TNIP2: variants seen among roughly 807,000 people sequenced by gnomAD.
TNIP2 encodes TNFAIP3-interacting protein 2.
TNIP2 carries 30 observed loss-of-function variants against 43.7 expected under a neutral mutation model. That is an observed-to-expected ratio of 0.69 (90% confidence interval 0.51 to 0.93). TNIP2 has a LOEUF of 0.93. TNIP2 is among the 40% of genes least tolerant of loss of function. The pLI, the probability that TNIP2 is intolerant of heterozygous loss-of-function variation, is 0.00. For missense variants in TNIP2, 599 were observed against 591.0 expected (o/e 1.01, Z -0.14); for synonymous variants, 260 against 254.6 (o/e 1.02, Z -0.20).
chr4:2,742,387 G>A lies in TNIP2; in HGVS notation c.1160C>T (p.Pro387Leu). ...CGCGCCAGGATGCCCGCCCTCTGCA[G>A]GGGGTTCTGGCTGCTGGGACCCAGT... ...PGTGSQQPEP[P>L]AEGGHPGAAQ... Residue 387 changes from proline to leucine, a missense_variant, in exon 6 of 6, where the codon CCT becomes CTT. Pro to Leu is a moderately conservative substitution (Grantham distance 98). Coordinates refer to ENST00000315423, the MANE Select transcript of TNIP2 (RefSeq NM_024309.4). The A allele has an allele frequency of 1.2e-6, 2 of 1,609,554 alleles. No homozygotes were observed. Among genetic ancestry groups the A allele is most frequent in the Non-Finnish European group, 1.7e-6 (2 of 1,177,648 alleles).
Position 2,745,513 on chromosome 4 carries a change from G to A in TNIP2, c.590C>T (p.Thr197Ile). ...PDQSEHTDGH[T>I]SVQSVIEKLQ... ...CTTCTCAATAACACTCTGGACAGAG[G>A]TGTGCCCATCTGTGTGTTCCGACTG... The change falls in exon 3 of 6, where the codon ACC becomes ATC. Residue 197 changes from threonine (T) to isoleucine (I), a missense_variant. By Grantham distance (89) the Thr-to-Ile change is moderately conservative (BLOSUM62 -1). Coordinates refer to ENST00000315423, the MANE Select transcript of TNIP2 (RefSeq NM_024309.4). 1 of 1,614,002 alleles carries A rather than the reference G, an allele frequency of 6.2e-7. No individual in the cohort carries two copies. The highest frequency in any genetic ancestry group is 8.5e-7 in the Non-Finnish European group (1 of 1,179,918).
rs1722238638 is a variant in TNIP2, at chr4:2,756,165, T to C, written c.125A>G (p.Asp42Gly). The C allele has an allele frequency of 2.7e-6, 4 of 1,477,702 alleles. No homozygotes were observed. The highest frequency in any genetic ancestry group is 5.9e-5 in the East Asian group (2 of 33,918). 91.5% of individuals were successfully genotyped at this position (1,477,702 alleles called of 1,614,324 possible). A position where few individuals can be genotyped will look rare whatever the true frequency, so the allele number is the denominator to read the frequency against. The change falls in exon 1 of 6, where the codon GAC becomes GGC. Residue 42 changes from aspartate to glycine, a missense_variant. By Grantham distance (94) the Asp-to-Gly change is moderately conservative. Coordinates refer to ENST00000315423, the MANE Select transcript of TNIP2 (RefSeq NM_024309.4). ...RRLQDQLAAR[D>G]ALIARLRARL... ...GGCGCGGAGGCGAGCGATGAGGGCG[T>C]CGCGGGCAGCGAGCTGGTCCTGCAG...
In TNIP2 at chr4:2,742,346, C is replaced by T. The variant is rs763573062; in HGVS notation, c.1201G>A (p.Gly401Arg). ...AGGCAGTGAGGGCACTGAAGGTCCCCCTGGCCTCTCTGGGCCGCGCCAGGA... is the reference window on the plus strand; with the variant it reads ...AGGCAGTGAGGGCACTGAAGGTCCCTCTGGCCTCTCTGGGCCGCGCCAGGA... Reference protein sequence around the residue: ...GHPGAAQRGQGDLQCPHCLQC... With the variant: ...GHPGAAQRGQRDLQCPHCLQC... Residue 401 changes from glycine (G) to arginine (R), a missense_variant, in exon 6 of 6, where the codon GGG (glycine) becomes AGG (arginine). Physicochemically the swap from Gly to Arg is moderately radical, Grantham distance 125. Coordinates refer to ENST00000315423, the MANE Select transcript of TNIP2 (RefSeq NM_024309.4). 6.3e-7 allele frequency: 1 copy of T among 1,589,446 alleles called. No homozygotes were observed. Among genetic ancestry groups the T allele is most frequent in the Non-Finnish European group, 8.6e-7 (1 of 1,166,184 alleles).
At chr4:2,755,076 A>G (rs1488574744) in intron 1 of TNIP2, among the ~76,000 whole-genome samples, 12 of 152,080 alleles carry the variant, frequency 7.9e-5, no homozygotes, top group African/African-American at 2.7e-4. Flanking sequence ...TGCTCCCAGC[A>G]TAGAGTTGAA....
intron 5 of TNIP2, among the ~76,000 whole-genome samples, chr4:2,743,347 T>C (rs751022538): frequency 6.6e-6 from 1 of 152,168 alleles, no homozygotes; most frequent in African/African-American, 2.4e-5. Context: ...AACCAGTTCA[T>C]CTGGTCCAAA....
At position 2,744,571 on chromosome 4, in the gene TNIP2, C is replaced by T. The variant is rs1721885761; in HGVS notation, c.907-65G>A. 1.9e-6 allele frequency: 3 copies of T among 1,607,754 alleles called. No homozygotes were observed. The highest frequency in any genetic ancestry group is 1.7e-6 in the Non-Finnish European group (2 of 1,177,290). ...AGGAAGCGCCCCACCAGGCTTCTCCCACCCCCACAGTGACCACTGCCCACT... is the reference window on the plus strand; with the variant it reads ...AGGAAGCGCCCCACCAGGCTTCTCCTACCCCCACAGTGACCACTGCCCACT... On this transcript the variant is annotated intron_variant, in intron 4 of 5. Coordinates refer to ENST00000315423, the MANE Select transcript of TNIP2 (RefSeq NM_024309.4). The surrounding 1 kb of genome is among the most constrained non-coding windows in gnomAD (Gnocchi z 5.1).
chr4:2,744,632 G>A lies in TNIP2; in HGVS notation c.906+65C>T. On this transcript the variant is annotated intron_variant, in intron 4 of 5. Coordinates refer to ENST00000315423, the MANE Select transcript of TNIP2 (RefSeq NM_024309.4). This position sits in a 1 kb window ranked among gnomAD's most constrained non-coding sequence, Gnocchi z 5.1. The stretch of plus-strand genomic sequence containing the variant: ...AAGCCTTCAGCCCAGCCTGTCCCAT[G>A]ATTTCGGCCACCACCGGCCAGCAGA... The A allele has an allele frequency of 2.5e-6, 4 of 1,585,172 alleles. No homozygotes were observed. The highest frequency in any genetic ancestry group is 3.4e-6 in the Non-Finnish European group (4 of 1,168,698).
At position 2,742,214 on chromosome 4, in the gene TNIP2, C is replaced by T; in HGVS notation, c.*43G>A. On this transcript the variant is annotated 3_prime_UTR_variant, in exon 6 of 6. Coordinates refer to ENST00000315423, the MANE Select transcript of TNIP2 (RefSeq NM_024309.4). ...GCACCCACCCTGTCCCTGAGGGCAG[C>T]TGCACCGGGCCAGGAGGCCGCAAGG... The T allele has an allele frequency of 7.0e-7, 1 of 1,419,330 alleles. No homozygotes were observed. The highest frequency in any genetic ancestry group is 1.6e-5 in the South Asian group (1 of 62,174). The allele number at this position is 1,419,330 out of a possible 1,614,324, so 87.9% of individuals were successfully genotyped here.
chr4:2,742,377 G>A lies in TNIP2; in HGVS notation c.1170C>T (p.Gly390=), dbSNP rs199502277. The change falls in exon 6 of 6, where the codon GGC becomes GGT. Residue 390 remains glycine (G), a synonymous_variant. Coordinates refer to ENST00000315423, the MANE Select transcript of TNIP2 (RefSeq NM_024309.4). ...CTCTCTGGGCCGCGCCAGGATGCCC[G>A]CCCTCTGCAGGGGGTTCTGGCTGCT... ...GSQQPEPPAE[G]GHPGAAQRGQ... 27 of 1,606,998 alleles carry A rather than the reference G, an allele frequency of 1.7e-5. No homozygotes were observed. Among genetic ancestry groups the A allele is most frequent in the Admixed American group, 1.5e-4 (9 of 59,250 alleles).
At chr4:2,752,544 C>T (rs1722130517) in intron 1 of TNIP2, among the ~76,000 whole-genome samples, 1 of 152,198 alleles carries the variant, frequency 6.6e-6, no homozygotes, top group South Asian at 2.1e-4. Flanking sequence ...TCAGTCCCTA[C>T]TGGTCCAGGG....
At chr4:2,748,179 ATTTTT>A (rs999653728) in intron 1 of TNIP2, among the ~76,000 whole-genome samples, 1 of 145,288 alleles carries the variant, frequency 6.9e-6, no homozygotes, top group African/African-American at 2.5e-5. Flanking sequence ...TTCATCTCAA[ATTTTT>A]TTTTTTTTTG....
intron 3 of TNIP2, 168 bp downstream of exon 3, chr4:2,745,278 T>C: frequency 1.6e-6 from 1 of 635,976 alleles, no homozygotes; most frequent in South Asian, 1.9e-5. Context: ...ACAGGACATG[T>C]CCCGTACGTC....
At position 2,741,859 on chromosome 4, in the gene TNIP2, C is replaced by T. The variant is rs140741612; in HGVS notation, c.*398G>A. 4 of 172,688 alleles carry T rather than the reference C, an allele frequency of 2.3e-5. No individual in the cohort carries two copies. The East Asian group carries it at 6.1e-4, about 26-fold the overall frequency. The allele number at this position is 172,688 out of a possible 1,614,324, so 10.7% of individuals were successfully genotyped here. ...ACTGGTTCGAGGCAGAGAGGCGACG[C>T]TTTATTCCATAGAACAGGATGGGGC... On this transcript the variant is annotated 3_prime_UTR_variant, in exon 6 of 6. Coordinates refer to ENST00000315423, the MANE Select transcript of TNIP2 (RefSeq NM_024309.4).
intron 1 of TNIP2, among the ~76,000 whole-genome samples, chr4:2,748,644 C>T (rs1722019203): frequency 7.4e-6 from 1 of 135,158 alleles, no homozygotes; most frequent in African/African-American, 3.2e-5. Flanking sequence ...AGGCGTGAGC[C>T]ACCACGCCTG....
intron 5 of TNIP2, among the ~76,000 whole-genome samples, chr4:2,743,351 G>A (rs919696545): frequency 6.6e-6 from 1 of 152,172 alleles, no homozygotes; most frequent in African/African-American, 2.4e-5. Context: ...AGTTCATCTG[G>A]TCCAAAATCT....
At chr4:2,742,876 G>A (rs1721833131) in intron 5 of TNIP2, among the ~76,000 whole-genome samples, 1 of 152,188 alleles carries the variant, frequency 6.6e-6, no homozygotes, top group East Asian at 1.9e-4. Flanking sequence ...CAGAGCCTCT[G>A]GTGGGGAGCT....
chr4:2,752,653 G>A (rs1287764979), intron 1 of TNIP2, among the ~76,000 whole-genome samples: 1 of 152,138 alleles, frequency 6.6e-6, no homozygotes, highest in African/African-American at 2.4e-5. Context: ...GTGAACCCAG[G>A]GCCTGCAGGA....
intron 1 of TNIP2, among the ~76,000 whole-genome samples, chr4:2,751,234 G>A (rs1722094166): frequency 6.6e-6 from 1 of 152,198 alleles, no homozygotes; most frequent in South Asian, 2.1e-4. Context: ...CGACCACTGT[G>A]GTCAGAAAAC....
chr4:2,747,586 C>T, intron 2 of TNIP2, 69 bp downstream of exon 2: 1 of 1,518,898 alleles, frequency 6.6e-7, no homozygotes, highest in Non-Finnish European at 8.9e-7. Context: ...CCTCTGTGAT[C>T]AGGGGCCTGT....
Sources: gnomAD v4.1 joint callset for allele counts (sites outside exome capture counted in the v4.1 genomes callset) on GRCh38, gnomAD v4.1.1 for gene constraint, Gnocchi (gnomAD v3.1) non-coding constraint, MANE v1.5 for transcripts, NCBI Gene and HGNC (gene_info 2026-07-23, HGNC 2026-07-21) for gene names.